Variants in DPF3 observed in about 807,000 individuals in gnomAD.
DPF3 encodes the protein zinc finger protein DPF3.
In DPF3, 18 loss-of-function variants were observed where a neutral mutation model predicts 56.8. That is an observed-to-expected ratio of 0.32 (90% confidence interval 0.22 to 0.47). The LOEUF (loss-of-function observed/expected upper bound fraction) is 0.47, where lower values mean the gene tolerates loss of function less well. Ranked by LOEUF, DPF3 falls within the 20% of genes least tolerant of loss-of-function variation. DPF3 has a pLI of 1.00. For missense variants in DPF3, 403 were observed against 488.8 expected (o/e 0.82, Z 1.65); for synonymous variants, 188 against 180.2 (o/e 1.04, Z -0.35).
At chr14:72,892,922 G>A (rs1352116987) in intron 1 of DPF3, among the ~76,000 whole-genome samples, 3 of 150,388 alleles carry the variant, frequency 2.0e-5, no homozygotes, top group Admixed American at 6.6e-5. Flanking sequence ...CGGACTTGGC[G>A]GCTTAACAGT....
chr14:72,723,296 G>A (rs936359960), intron 5 of DPF3, among the ~76,000 whole-genome samples: 1 of 151,816 alleles, frequency 6.6e-6, no homozygotes, highest in Non-Finnish European at 1.5e-5. Context: ...CCAGGGACAA[G>A]GCAGGAAATG....
intron 2 of DPF3, among the ~76,000 whole-genome samples, chr14:72,769,217 C>T (rs957324963): frequency 2.0e-5 from 3 of 152,142 alleles, no homozygotes; most frequent in South Asian, 4.1e-4. Context: ...GAGCAATGAA[C>T]AGCACTGCGG....
rs60114618 is a variant in DPF3 at position 72,661,854 on chromosome 14, CTTTTTTTTT to C, written c.871+12377_871+12385del. On this transcript the variant is annotated intron_variant, in intron 8 of 10. Coordinates refer to ENST00000556509, the MANE Select transcript of DPF3 (RefSeq NM_001280542.3). ...ACCTCAGCTGATGCTTTTATTTTTG[CTTTTTTTTT>C]TTTTTTTTTTTTGCTGCATTATTTT... The C allele has an allele frequency of 4.3e-4, 400 of 925,790 alleles. 1 individual carries two copies. The African/African-American group carries it at 8.4e-3, about 19-fold the overall frequency. The allele number at this position is 925,790 out of a possible 1,614,324, so 57.3% of individuals were successfully genotyped here. A position where few individuals can be genotyped will look rare whatever the true frequency, so the allele number is the denominator to read the frequency against.
chr14:72,719,127 T>C (rs1269753749), intron 5 of DPF3, among the ~76,000 whole-genome samples: 1 of 143,126 alleles, frequency 7.0e-6, no homozygotes, highest in Non-Finnish European at 1.5e-5. Context: ...TGGAGTGCAG[T>C]AGCACAATCA....
At chr14:72,849,939 G>A (rs971527031) in intron 1 of DPF3, among the ~76,000 whole-genome samples, 24 of 152,140 alleles carry the variant, frequency 1.6e-4, no homozygotes, top group African/African-American at 5.8e-4. Flanking sequence ...CCAACATGGT[G>A]AAACCACATC....
chr14:72,732,555 G>A (rs1280001576), intron 3 of DPF3, among the ~76,000 whole-genome samples: 2 of 152,202 alleles, frequency 1.3e-5, no homozygotes, highest in African/African-American at 4.8e-5. Flanking sequence ...ACGGGAAGAG[G>A]AGCGACGGCG....
chr14:72,628,486 A>G (rs1167158399), intron 9 of DPF3, among the ~76,000 whole-genome samples: 1 of 152,192 alleles, frequency 6.6e-6, no homozygotes, highest in African/African-American at 2.4e-5. Flanking sequence ...GAAATTATCC[A>G]ATAAGAATAT....
At chr14:72,853,984 G>A (rs1304205627) in intron 1 of DPF3, among the ~76,000 whole-genome samples, 1 of 152,162 alleles carries the variant, frequency 6.6e-6, no homozygotes, top group African/African-American at 2.4e-5. Flanking sequence ...CCTTAACGAT[G>A]ACTTGAGAAA....
At chr14:72,648,348 G>C (rs1885785719) in intron 8 of DPF3, among the ~76,000 whole-genome samples, 2 of 152,144 alleles carry the variant, frequency 1.3e-5, no homozygotes, top group African/African-American at 4.8e-5. Flanking sequence ...GATCACTTGA[G>C]GTCAGGAGTT....
intron 1 of DPF3, among the ~76,000 whole-genome samples, chr14:72,780,750 A>G (rs1891936962): frequency 6.6e-6 from 1 of 151,752 alleles, no homozygotes; most frequent in African/African-American, 2.4e-5. Context: ...GCAAGGTGCC[A>G]CAGAACTGAC....
At chr14:72,664,632 C>T (rs1369502439) in intron 8 of DPF3, among the ~76,000 whole-genome samples, 1 of 152,076 alleles carries the variant, frequency 6.6e-6, no homozygotes, top group African/African-American at 2.4e-5. Context: ...CCACCTCCCA[C>T]CTGCCCCCTC....
chr14:72,861,999 C>T (rs549486251), intron 1 of DPF3, among the ~76,000 whole-genome samples: 14 of 152,122 alleles, frequency 9.2e-5, no homozygotes, highest in Non-Finnish European at 1.9e-4. Context: ...GAAGGCAAAC[C>T]GCTTCAGCCC....
chr14:72,859,481 C>G (rs34389628), intron 1 of DPF3, among the ~76,000 whole-genome samples: 26,057 of 89,702 alleles, frequency 0.29, 3,882 homozygotes, highest in East Asian at 0.47. Context: ...CCCCCCCCCC[C>G]CCACACCATT....
intron 1 of DPF3, among the ~76,000 whole-genome samples, chr14:72,810,388 G>A (rs1882986969): frequency 6.6e-6 from 1 of 152,216 alleles, no homozygotes; most frequent in African/African-American, 2.4e-5. Flanking sequence ...GACGGGCGGA[G>A]AATGTGAATC....
At chr14:72,801,247 T>C (rs1195390882) in intron 1 of DPF3, among the ~76,000 whole-genome samples, 1 of 152,196 alleles carries the variant, frequency 6.6e-6, no homozygotes, top group Admixed American at 6.5e-5. Context: ...CATGGAAGAA[T>C]TGCAGGCCAA....
At chr14:72,784,852 G>A (rs948752197) in intron 1 of DPF3, among the ~76,000 whole-genome samples, 5 of 152,134 alleles carry the variant, frequency 3.3e-5, no homozygotes, top group African/African-American at 9.7e-5. Flanking sequence ...AGCTACTTAG[G>A]AGGCTGAGGC....
intron 8 of DPF3, chr14:72,670,552 G>A: frequency 2.0e-6 from 2 of 987,284 alleles, no homozygotes; most frequent in Non-Finnish European, 2.4e-6. Context: ...ACAGAATAGT[G>A]CAACCGTCTC....
Position 72,750,388 on chromosome 14 carries a change from T to C in DPF3, c.301+2876A>G, listed in dbSNP as rs560394432. Among the ~76,000 whole-genome samples, 3 of 152,344 alleles carry C rather than the reference T, an allele frequency of 2.0e-5. No homozygotes were observed. The East Asian group carries it at 5.8e-4, about 29-fold the overall frequency. On this transcript the variant is annotated intron_variant, in intron 3 of 10. Coordinates refer to ENST00000556509, the MANE Select transcript of DPF3 (RefSeq NM_001280542.3). Reference sequence around the variant, plus strand: ...AAAAGAAGACCTAATTAGTCTGATATAAATTGTTCTTAACCAAGACTTTTT... The same window carrying C: ...AAAAGAAGACCTAATTAGTCTGATACAAATTGTTCTTAACCAAGACTTTTT...
chr14:72,735,798 T>G (rs1260158654), intron 3 of DPF3, among the ~76,000 whole-genome samples: 3 of 152,186 alleles, frequency 2.0e-5, no homozygotes, highest in Non-Finnish European at 4.4e-5. Flanking sequence ...TAAATGGGTG[T>G]GGTCATAGTA....
Sources: allele counts gnomAD v4.1 joint callset (sites outside exome capture counted in the v4.1 genomes callset), GRCh38; gene constraint gnomAD v4.1.1; transcripts MANE v1.5; gene names NCBI Gene and HGNC (gene_info 2026-07-23, HGNC 2026-07-21).